Variants in TSGA10 observed in about 807,000 individuals in gnomAD.
TSGA10 encodes testis specific 10, also known as testis-specific gene 10 protein.
TSGA10 carries 43 observed loss-of-function variants against 96.6 expected under a neutral mutation model. That is an observed-to-expected ratio of 0.44 (90% CI 0.35 to 0.57). The LOEUF is 0.57. Ranked by LOEUF, TSGA10 falls within the 20% of genes least tolerant of loss-of-function variation. The pLI is 0.01. For missense variants in TSGA10, 703 were observed against 834.4 expected, an observed-to-expected ratio of 0.84 and a Z score of 1.94; for synonymous variants, 229 against 269.9, an observed-to-expected ratio of 0.85 and a Z score of 1.48.
chr2:99,138,571 A>G (rs376468011), intron 1 of TSGA10, among the ~76,000 whole-genome samples: 23 of 152,372 alleles, frequency 1.5e-4, no homozygotes, highest in South Asian at 1.4e-3. Context: ...AATGAATAGT[A>G]AAGAAAAAGA....
At chr2:99,010,971 T>C (rs1187374853) in intron 20 of TSGA10, among the ~76,000 whole-genome samples, 4 of 152,186 alleles carry the variant, frequency 2.6e-5, no homozygotes, top group Non-Finnish European at 4.4e-5. Context: ...GCAAACTGTA[T>C]GATACAGCAG....
At chr2:99,044,994 C>T (rs2082606495) in intron 16 of TSGA10, among the ~76,000 whole-genome samples, 1 of 152,092 alleles carries the variant, frequency 6.6e-6, no homozygotes, top group Non-Finnish European at 1.5e-5. Context: ...AGAACAAAGA[C>T]AGAACGTAAC....
rs532978553 is a variant in TSGA10 at position 99,084,323 on chromosome 2, C to A, written c.612-2926G>T. Among the ~76,000 whole-genome samples, 253 of 152,302 alleles carry A rather than the reference C, an allele frequency of 1.7e-3. 1 individual carries two copies. Among genetic ancestry groups the A allele is most frequent in the Non-Finnish European group, 2.8e-3 (192 of 68,030 alleles). On this transcript the variant is annotated intron_variant, in intron 10 of 20. Coordinates refer to ENST00000393483, the MANE Select transcript of TSGA10 (RefSeq NM_025244.4). ...GAAGTGGGGCCTGGGGAAGAGATGACTGGATCACGGGGGCAGGTCCCTCAT... is the reference window on the plus strand; with the variant it reads ...GAAGTGGGGCCTGGGGAAGAGATGAATGGATCACGGGGGCAGGTCCCTCAT...
At position 99,072,018 on chromosome 2, in the gene TSGA10, G is replaced by T. The variant is rs548195337; in HGVS notation, c.939-144C>A. 14 of 669,492 alleles carry T rather than the reference G, an allele frequency of 2.1e-5. No individual in the cohort carries two copies. The South Asian group carries it at 3.2e-4, about 15-fold the overall frequency. The allele number at this position is 669,492 out of a possible 1,614,324, so 41.5% of individuals were successfully genotyped here. ...GTTTGAATTTATAGGAATAAATACT[G>T]CAAAGACAGTGCATTAGAGTTTCTC... On this transcript the variant is annotated intron_variant, in intron 13 of 20. Transcript: ENST00000393483.
intron 17 of TSGA10, among the ~76,000 whole-genome samples, chr2:99,034,498 T>A (rs555973984): frequency 6.6e-6 from 1 of 152,320 alleles, no homozygotes; most frequent in African/African-American, 2.4e-5. Flanking sequence ...ATGCATCTTC[T>A]ATACATACCC....
chr2:99,101,483 T>G (rs886337994), intron 10 of TSGA10, among the ~76,000 whole-genome samples: 1 of 151,788 alleles, frequency 6.6e-6, no homozygotes, highest in African/African-American at 2.4e-5. Context: ...CAAGCTTTCT[T>G]GGAGAACATC....
chr2:99,130,423 C>A (rs1232884944), intron 1 of TSGA10, among the ~76,000 whole-genome samples: 4 of 152,168 alleles, frequency 2.6e-5, no homozygotes, highest in Admixed American at 1.3e-4. Context: ...TAAATGTCTT[C>A]TTTTGAGAAG....
intron 2 of TSGA10, chr2:99,126,835 G>GA (rs772367138): frequency 3.5e-6 from 1 of 282,846 alleles, no homozygotes; most frequent in Non-Finnish European, 6.2e-6. Flanking sequence ...CTGTATACCT[G>GA]AAAACATCTG....
chr2:99,071,081 C>T (rs994621573), intron 14 of TSGA10, among the ~76,000 whole-genome samples: 6 of 152,052 alleles, frequency 3.9e-5, no homozygotes, highest in African/African-American at 1.2e-4. Context: ...AGTTAAAGAA[C>T]ACAGACTTTC....
intron 2 of TSGA10, among the ~76,000 whole-genome samples, chr2:99,120,916 T>C (rs140626431): frequency 6.6e-6 from 1 of 152,332 alleles, no homozygotes; most frequent in East Asian, 1.9e-4. Context: ...AACAAAATCA[T>C]AGAGCATGTG....
chr2:99,010,868 T>G (rs939181369), intron 20 of TSGA10, among the ~76,000 whole-genome samples: 2 of 152,132 alleles, frequency 1.3e-5, no homozygotes, highest in Non-Finnish European at 2.9e-5. Context: ...TGGGGCAAAA[T>G]CTGAGCAAGG....
At chr2:98,999,903 C>T (rs1382773121) in intron 20 of TSGA10, among the ~76,000 whole-genome samples, 1 of 152,118 alleles carries the variant, frequency 6.6e-6, no homozygotes, top group Non-Finnish European at 1.5e-5. Context: ...CACGTGCCAC[C>T]ATATCTGGCT....
chr2:99,105,757 T>A (rs1221521091), intron 7 of TSGA10, 60 bp from the exon 8 acceptor site: 2 of 1,448,778 alleles, frequency 1.4e-6, no homozygotes, highest in Non-Finnish European at 1.9e-6. Context: ...ACATAAAAAA[T>A]TTTATGTATC....
chr2:98,998,066 G>A lies in TSGA10; in HGVS notation c.*131C>T. 4.8e-6 allele frequency: 4 copies of A among 830,810 alleles called. No individual in the cohort carries two copies. The highest frequency in any genetic ancestry group is 7.6e-6 in the Non-Finnish European group (4 of 528,312). 51.5% of individuals were successfully genotyped at this position (830,810 alleles called of 1,614,324 possible). A position where few individuals can be genotyped will look rare whatever the true frequency, so the allele number is the denominator to read the frequency against. ...CATGGCACATTAGAACAGAGATTCA[G>A]AGACACAAAGTTAATAAATACATTT... On this transcript the variant is annotated 3_prime_UTR_variant, in exon 21 of 21. Transcript: ENST00000393483.
intron 16 of TSGA10, among the ~76,000 whole-genome samples, chr2:99,064,728 A>T (rs2085071548): frequency 6.6e-6 from 1 of 152,162 alleles, no homozygotes; most frequent in Non-Finnish European, 1.5e-5. Flanking sequence ...ATAGTTTCTA[A>T]TTTTAACAAA....
At chr2:99,112,477 A>C (rs1165273895) in intron 4 of TSGA10, among the ~76,000 whole-genome samples, 2 of 152,164 alleles carry the variant, frequency 1.3e-5, no homozygotes, top group Non-Finnish European at 2.9e-5. Flanking sequence ...AGAAGAGCAG[A>C]GTTAAGGATA....
intron 1 of TSGA10, chr2:99,147,351 C>A: frequency 9.8e-7 from 1 of 1,016,376 alleles, no homozygotes; most frequent in Non-Finnish European, 1.5e-6. Flanking sequence ...TTCTTTTTCT[C>A]CAGATTGATT....
chr2:99,008,489 A>G (rs2078694638), intron 20 of TSGA10, among the ~76,000 whole-genome samples: 1 of 152,248 alleles, frequency 6.6e-6, no homozygotes, highest in South Asian at 2.1e-4. Context: ...CTACACTGAA[A>G]TACCATTTCT....
At chr2:99,023,972 G>A (rs749759192) in intron 17 of TSGA10, among the ~76,000 whole-genome samples, 4 of 152,136 alleles carry the variant, frequency 2.6e-5, no homozygotes, top group Non-Finnish European at 5.9e-5. Context: ...ATCAGTTTTG[G>A]GAGTAATGCC....
Sources: allele counts gnomAD v4.1 joint callset (sites outside exome capture counted in the v4.1 genomes callset), GRCh38; gene constraint gnomAD v4.1.1; transcripts MANE v1.5; gene names NCBI Gene and HGNC (gene_info 2026-07-23, HGNC 2026-07-21).